The following FAM174A variants were observed in gnomAD, a reference collection of about 807,000 sequenced individuals.
The protein encoded by FAM174A is family with sequence similarity 174 member A.
A neutral mutation model predicts 14.3 loss-of-function variants in FAM174A; 14 were observed. The ratio of observed to expected loss-of-function variants is 0.98; its 90% confidence interval spans 0.65 to 1.53. The LOEUF is 1.53. Among genes scored for constraint, FAM174A ranks in the 40% most tolerant of loss-of-function variants. The pLI is 0.00. For synonymous variants in FAM174A, 108 were observed against 111.4 expected (o/e 0.97, Z 0.19); for missense variants, 241 against 249.6 (o/e 0.97, Z 0.23).
intron 1 of FAM174A, among the ~76,000 whole-genome samples, chr5:100,554,167 C>T (rs1442584099): frequency 6.6e-6 from 1 of 152,090 alleles, no homozygotes; most frequent in African/African-American, 2.4e-5. Flanking sequence ...TTATAACTTT[C>T]AATATCCTTA....
intron 1 of FAM174A, among the ~76,000 whole-genome samples, chr5:100,543,337 C>T (rs1160075843): frequency 2.0e-5 from 3 of 152,040 alleles, no homozygotes; most frequent in Admixed American, 1.3e-4. Context: ...AAGCTGGTCT[C>T]GAACTCTTGA....
intron 2 of FAM174A, among the ~76,000 whole-genome samples, chr5:100,572,520 C>T (rs180703382): frequency 0.02 from 3,038 of 150,782 alleles, 90 homozygotes; most frequent in African/African-American, 0.069. Context: ...TTTGTTCTTG[C>T]GATAGTTTAC....
intron 1 of FAM174A, among the ~76,000 whole-genome samples, chr5:100,557,466 G>A (rs1295761412): frequency 6.6e-6 from 1 of 152,106 alleles, no homozygotes; most frequent in Non-Finnish European, 1.5e-5. Context: ...GAGTTAGGGA[G>A]GATTCCCTCT....
At chr5:100,583,840 C>T (rs1455428313) in intron 2 of FAM174A, among the ~76,000 whole-genome samples, 1 of 152,190 alleles carries the variant, frequency 6.6e-6, no homozygotes, top group Non-Finnish European at 1.5e-5. Context: ...TCATGACGTT[C>T]TCTCTATTGG....
At chr5:100,543,778 T>C (rs1309729059) in intron 1 of FAM174A, among the ~76,000 whole-genome samples, 1 of 152,156 alleles carries the variant, frequency 6.6e-6, no homozygotes, top group East Asian at 1.9e-4. Context: ...TCTAGTGAAC[T>C]ATATTTTTAT....
rs2112358276 is a variant in FAM174A at position 100,535,479 on chromosome 5, C to G, written c.-52C>G. On this transcript the variant is annotated 5_prime_UTR_variant, in exon 1 of 3. Transcript: ENST00000312637. Reference sequence around the variant, plus strand: ...CCGCGCCTATGGTCCCTCTTGGAGCCAGCGTGGCGGGCCTGGCGGCTCCCG... The same window carrying G: ...CCGCGCCTATGGTCCCTCTTGGAGCGAGCGTGGCGGGCCTGGCGGCTCCCG... The G allele has an allele frequency of 2.5e-6, 4 of 1,595,208 alleles. No homozygotes were observed. The highest frequency in any genetic ancestry group is 3.4e-6 in the Non-Finnish European group (4 of 1,168,292).
Position 100,562,152 on chromosome 5 carries a change from A to G in FAM174A, c.533A>G (p.Asp178Gly). Reference protein sequence around the residue: ...LTPLEQDDEDDDNTLFDANHP... With the variant: ...LTPLEQDDEDGDNTLFDANHP... ...CCTTTAGAACAGGATGATGAGGATG[A>G]TGACAACACGTTGTTTGATGCCAAT... Residue 178 changes from aspartate (D) to glycine (G), a missense_variant, in exon 2 of 3, where the codon GAT (aspartate) becomes GGT (glycine). Coordinates refer to ENST00000312637, the MANE Select transcript of FAM174A (RefSeq NM_198507.3). 1.9e-6 allele frequency: 3 copies of G among 1,583,336 alleles called. No homozygotes were observed. Among genetic ancestry groups the G allele is most frequent in the South Asian group, 1.2e-5 (1 of 86,592 alleles).
At chr5:100,544,467 A>G (rs980485617) in intron 1 of FAM174A, among the ~76,000 whole-genome samples, 1 of 152,060 alleles carries the variant, frequency 6.6e-6, no homozygotes, top group Non-Finnish European at 1.5e-5. Flanking sequence ...GAGGAGAGAG[A>G]GGGGGAAAAG....
At position 100,535,931 on chromosome 5, in the gene FAM174A, C is replaced by T. The variant is rs1192171812; in HGVS notation, c.401C>T (p.Ala134Val). The change falls in exon 1 of 3, where the codon GCG becomes GTG. Residue 134 changes from alanine to valine, a missense_variant. Transcript: ENST00000312637. ...ACCGTGTTGATGGTGGTGAGCGGCGCGGTGCTGGTGTACTTCGTGGTCAGG... is the reference window on the plus strand; with the variant it reads ...ACCGTGTTGATGGTGGTGAGCGGCGTGGTGCTGGTGTACTTCGTGGTCAGG... Reference protein sequence around the residue: ...ALTVLMVVSGAVLVYFVVRTV... With the variant: ...ALTVLMVVSGVVLVYFVVRTV... The T allele has an allele frequency of 1.9e-6, 3 of 1,606,894 alleles. No individual in the cohort carries two copies. The highest frequency in any genetic ancestry group is 2.6e-6 in the Non-Finnish European group (3 of 1,175,716).
chr5:100,572,277 T>A (rs949335041), intron 2 of FAM174A, among the ~76,000 whole-genome samples: 1 of 150,566 alleles, frequency 6.6e-6, no homozygotes, highest in African/African-American at 2.4e-5. Flanking sequence ...ATACTTTAAG[T>A]TTTAGGGTAC....
chr5:100,582,679 C>T (rs939864285), intron 2 of FAM174A, among the ~76,000 whole-genome samples: 1 of 151,876 alleles, frequency 6.6e-6, no homozygotes, highest in African/African-American at 2.4e-5. Flanking sequence ...GGCAAACTTG[C>T]CCCATTGTAG....
chr5:100,535,683 G>C lies in FAM174A; in HGVS notation c.153G>C (p.Arg51=). Reference sequence around the variant, plus strand: ...TTGGGCCTCCTGACCCTAGACCACGGACATTACCGCCGCTGCCACCGGGCC... The same window carrying C: ...TTGGGCCTCCTGACCCTAGACCACGCACATTACCGCCGCTGCCACCGGGCC... ...PGLGPPDPRP[R]TLPPLPPGPT... Residue 51 remains arginine, a synonymous_variant, in exon 1 of 3, where the codon CGG becomes CGC. Transcript: ENST00000312637. 6.2e-7 allele frequency: 1 copy of C among 1,609,694 alleles called. No individual in the cohort carries two copies. The highest frequency in any genetic ancestry group is 8.5e-7 in the Non-Finnish European group (1 of 1,178,918).
chr5:100,550,041 A>G (rs1033588546), intron 1 of FAM174A, among the ~76,000 whole-genome samples: 4 of 152,150 alleles, frequency 2.6e-5, no homozygotes, highest in Admixed American at 6.6e-5. Flanking sequence ...TTGAAAGGAT[A>G]AACTTCAGTT....
At chr5:100,566,209 A>G (rs1463257391) in intron 2 of FAM174A, among the ~76,000 whole-genome samples, 1 of 141,546 alleles carries the variant, frequency 7.1e-6, no homozygotes, top group Non-Finnish European at 1.5e-5. Flanking sequence ...ATGATATACT[A>G]TTGAATATTA....
chr5:100,576,198 G>A (rs1212634496), intron 2 of FAM174A, among the ~76,000 whole-genome samples: 1 of 151,980 alleles, frequency 6.6e-6, no homozygotes, highest in African/African-American at 2.4e-5. Flanking sequence ...ATATTAAATT[G>A]AGCCATATGA....
intron 1 of FAM174A, among the ~76,000 whole-genome samples, chr5:100,544,651 T>C (rs903895038): frequency 3.3e-5 from 5 of 152,180 alleles, no homozygotes; most frequent in African/African-American, 1.2e-4. Flanking sequence ...CCTCATGATA[T>C]ATGCTTGTGC....
intron 1 of FAM174A, among the ~76,000 whole-genome samples, chr5:100,541,373 A>G (rs1746047403): frequency 6.6e-6 from 1 of 152,140 alleles, no homozygotes; most frequent in Non-Finnish European, 1.5e-5. Flanking sequence ...AAACTATTAT[A>G]TTTTTGTAGA....
chr5:100,535,451 C>A lies in FAM174A; in HGVS notation c.-80C>A. 6.6e-7 allele frequency: 1 copy of A among 1,506,528 alleles called. No homozygotes were observed. Among genetic ancestry groups the A allele is most frequent in the Non-Finnish European group, 9.1e-7 (1 of 1,098,740 alleles). 93.3% of individuals were successfully genotyped at this position (1,506,528 alleles called of 1,614,324 possible). ...CGTTTGGTCACCTCTGCTTCATTCT[C>A]CACCGCGCCTATGGTCCCTCTTGGA... On this transcript the variant is annotated 5_prime_UTR_variant, in exon 1 of 3. Transcript: ENST00000312637.
chr5:100,576,944 G>A (rs184372293), intron 2 of FAM174A, among the ~76,000 whole-genome samples: 1 of 152,126 alleles, frequency 6.6e-6, no homozygotes, highest in Non-Finnish European at 1.5e-5. Context: ...GGAGTCAGAG[G>A]CCGCATATGC....
Sources: allele counts gnomAD v4.1 joint callset (sites outside exome capture counted in the v4.1 genomes callset), GRCh38; gene constraint gnomAD v4.1.1; transcripts MANE v1.5; gene names NCBI Gene and HGNC (gene_info 2026-07-23, HGNC 2026-07-21).